PACRG: variants seen among roughly 807,000 people sequenced by gnomAD.
PACRG encodes parkin coregulated.
Under a neutral mutation model 29.7 loss-of-function variants are expected in PACRG, and 29 were observed. The observed-to-expected ratio is 0.98, with a 90% CI of 0.73 to 1.33. The LOEUF is 1.33. Ranked by LOEUF, PACRG falls within the 40% of genes most tolerant of loss-of-function variation. PACRG has a pLI of 0.00. For missense variants in PACRG, 279 were observed against 316.2 expected, an observed-to-expected ratio of 0.88 and a Z score of 0.89; for synonymous variants, 116 against 118.7, an observed-to-expected ratio of 0.98 and a Z score of 0.15.
chr6:162,833,145 G>A (rs1788928116), intron 2 of PACRG, among the ~76,000 whole-genome samples: 1 of 151,982 alleles, frequency 6.6e-6, no homozygotes, highest in Non-Finnish European at 1.5e-5. Flanking sequence ...ATAATAATTT[G>A]TCATAATTTC....
intron 4 of PACRG, among the ~76,000 whole-genome samples, chr6:163,252,722 C>T (rs887891194): frequency 6.6e-6 from 1 of 152,212 alleles, no homozygotes; most frequent in Non-Finnish European, 1.5e-5. Context: ...ACGCTTTTAA[C>T]CTGTTGGCAA....
In PACRG at chr6:162,818,899, A is replaced by C. The variant is rs186666410; in HGVS notation, c.291+4618A>C. 2.8e-3 allele frequency among the ~76,000 whole-genome samples: 419 copies of C among 152,266 alleles called. 1 individual carries two copies. The highest frequency in any genetic ancestry group is 9.6e-3 in the African/African-American group (399 of 41,544). ...AATCCTCTAGGAAAATCAGGATAGA[A>C]TACCACCCTTTTATGCATGCAACAA... On this transcript the variant is annotated intron_variant, in intron 2 of 4. Transcript: ENST00000366888.
At chr6:163,000,558 T>C (rs1463042197) in intron 2 of PACRG, among the ~76,000 whole-genome samples, 1 of 152,174 alleles carries the variant, frequency 6.6e-6, no homozygotes, top group Non-Finnish European at 1.5e-5. Context: ...ATTTAAACTG[T>C]AGCTCTGGCA....
chr6:163,178,868 T>C (rs1441223907), intron 4 of PACRG, among the ~76,000 whole-genome samples: 1 of 152,200 alleles, frequency 6.6e-6, no homozygotes, highest in Admixed American at 6.5e-5. Flanking sequence ...CTCTGGTGTA[T>C]TTTAAGTTGC....
At chr6:163,279,559 C>A (rs969285451) in intron 4 of PACRG, among the ~76,000 whole-genome samples, 1 of 152,094 alleles carries the variant, frequency 6.6e-6, no homozygotes, top group Non-Finnish European at 1.5e-5. Flanking sequence ...TGTCAACTTG[C>A]TTTTCATTTT....
intron 4 of PACRG, among the ~76,000 whole-genome samples, chr6:163,213,764 G>A (rs1039678236): frequency 6.6e-6 from 1 of 152,134 alleles, no homozygotes; most frequent in African/African-American, 2.4e-5. Context: ...CCCACTTAAA[G>A]TTTACAAATA....
At chr6:163,059,160 C>T (rs531186935) in intron 2 of PACRG, among the ~76,000 whole-genome samples, 2 of 151,958 alleles carry the variant, frequency 1.3e-5, no homozygotes, top group South Asian at 4.2e-4. Flanking sequence ...GGTCAGTGAT[C>T]TTGGAGGATA....
chr6:162,888,331 G>A (rs564045364), intron 2 of PACRG, among the ~76,000 whole-genome samples: 19 of 152,212 alleles, frequency 1.2e-4, no homozygotes, highest in African/African-American at 4.6e-4. Context: ...CTTTCAGCAC[G>A]TGGTGCCAAC....
chr6:162,827,942 T>C (rs1318652481), intron 2 of PACRG, among the ~76,000 whole-genome samples: 3 of 152,136 alleles, frequency 2.0e-5, no homozygotes, highest in Non-Finnish European at 2.9e-5. Context: ...CTGAGTAAGA[T>C]AGTGATCTGT....
chr6:163,213,585 G>A (rs1781240177), intron 4 of PACRG, among the ~76,000 whole-genome samples: 1 of 152,140 alleles, frequency 6.6e-6, no homozygotes, highest in Non-Finnish European at 1.5e-5. Flanking sequence ...ATGAAGTTTA[G>A]TATCTTTTCA....
At chr6:163,037,034 A>G (rs760518544) in intron 2 of PACRG, among the ~76,000 whole-genome samples, 3 of 152,210 alleles carry the variant, frequency 2.0e-5, no homozygotes, top group Non-Finnish European at 4.4e-5. Context: ...GTGTGTGTGC[A>G]TGCATGTGTG....
intron 4 of PACRG, among the ~76,000 whole-genome samples, chr6:163,118,256 T>C (rs927254227): frequency 6.6e-6 from 1 of 152,148 alleles, no homozygotes; most frequent in African/African-American, 2.4e-5. Context: ...GATGAACGGG[T>C]TTATGAATAG....
At chr6:163,144,644 C>T (rs1166659084) in intron 4 of PACRG, among the ~76,000 whole-genome samples, 1 of 152,144 alleles carries the variant, frequency 6.6e-6, no homozygotes, top group African/African-American at 2.4e-5. Context: ...TGGCGCATGC[C>T]TGTAATCCCA....
intron 2 of PACRG, among the ~76,000 whole-genome samples, chr6:162,990,691 C>T (rs969375155): frequency 3.5e-4 from 44 of 124,908 alleles, no homozygotes; most frequent in Non-Finnish European, 6.0e-4. Context: ...TGTAGGTTGC[C>T]TGTTCACTCT....
rs937042109 is a variant in PACRG at position 163,262,875 on chromosome 6, C to A, written c.614-51952C>A. ...TGGGCAACATAGTGAGACCCCCCCC[C>A]CCATGTCAACTAAAAATTTAAAAAA... On this transcript the variant is annotated intron_variant, in intron 4 of 4. Coordinates refer to ENST00000366888, the MANE Select transcript of PACRG (RefSeq NM_001080379.2). Among the ~76,000 whole-genome samples the A allele has an allele frequency of 3.8e-4, 57 of 149,094 alleles. No homozygotes were observed. The South Asian group carries it at 7.9e-3, about 21-fold the overall frequency.
intron 4 of PACRG, among the ~76,000 whole-genome samples, chr6:163,266,330 G>A (rs1783527055): frequency 6.6e-6 from 1 of 152,232 alleles, no homozygotes; most frequent in African/African-American, 2.4e-5. Flanking sequence ...AAAATGGACT[G>A]TGGCTTAGGA....
At chr6:163,285,482 G>A (rs968317854) in intron 4 of PACRG, among the ~76,000 whole-genome samples, 6 of 152,096 alleles carry the variant, frequency 3.9e-5, no homozygotes, top group African/African-American at 9.7e-5. Context: ...GTCAAAGACC[G>A]GATCTTTTCT....
intron 2 of PACRG, among the ~76,000 whole-genome samples, chr6:162,905,420 G>A (rs971935020): frequency 3.3e-5 from 5 of 152,292 alleles, no homozygotes; most frequent in South Asian, 2.1e-4. Context: ...GGGAGAAACC[G>A]TTTCTGTTTG....
intron 4 of PACRG, among the ~76,000 whole-genome samples, chr6:163,090,515 C>G (rs913676029): frequency 6.6e-6 from 1 of 152,162 alleles, no homozygotes; most frequent in Non-Finnish European, 1.5e-5. Context: ...GATGGTTAGT[C>G]TTTACGCAAA....
Sources: gnomAD v4.1 joint callset for allele counts (sites outside exome capture counted in the v4.1 genomes callset) on GRCh38, gnomAD v4.1.1 for gene constraint, MANE v1.5 for transcripts, NCBI Gene and HGNC (gene_info 2026-07-23, HGNC 2026-07-21) for gene names.